Variants in PDE3B observed in about 807,000 individuals in gnomAD.
PDE3B encodes cGMP-inhibited 3',5'-cyclic phosphodiesterase 3B.
A neutral mutation model predicts 116.8 loss-of-function variants in PDE3B; 66 were observed. The ratio of observed to expected loss-of-function variants is 0.56; its 90% CI spans 0.46 to 0.69. PDE3B has a LOEUF of 0.69. Among genes scored for constraint, PDE3B ranks in the 30% least tolerant of loss-of-function variants. PDE3B has a pLI of 0.00. For missense variants in PDE3B, 1,384 were observed against 1,368.1 expected, an observed-to-expected ratio of 1.01 and a Z score of -0.18; for synonymous variants, 595 against 533.6, an observed-to-expected ratio of 1.12 and a Z score of -1.59.
At chr11:14,867,419 A>T (rs1159523982) in intron 14 of PDE3B, 87 bp from the exon 15 acceptor site, 8 of 1,156,566 alleles carry the variant, frequency 6.9e-6, no homozygotes, top group South Asian at 3.1e-5. Flanking sequence ...TGTTTATTTT[A>T]AAAAAACTCA....
At chr11:14,654,972 C>T (rs375047221) in intron 1 of PDE3B, among the ~76,000 whole-genome samples, 3 of 149,074 alleles carry the variant, frequency 2.0e-5, no homozygotes, top group East Asian at 3.9e-4. Flanking sequence ...GAAACCTAGG[C>T]GAACAGGACA....
the PDE3B span, among the ~76,000 whole-genome samples, chr11:14,884,566 G>A: frequency 6.6e-6 from 1 of 150,758 alleles, no homozygotes; most frequent in Non-Finnish European, 1.5e-5. Flanking sequence ...AGCATTAGGA[G>A]ATATACCTAA....
At position 14,870,868 on chromosome 11, in the gene PDE3B, A is replaced by G; in HGVS notation, c.*1208A>G. 6.6e-6 allele frequency: 1 copy of G among 152,350 alleles called. No individual in the cohort carries two copies. Among genetic ancestry groups the G allele is most frequent in the South Asian group, 2.1e-4 (1 of 4,826 alleles). The allele number at this position is 152,350 out of a possible 1,614,324, so 9.4% of individuals were successfully genotyped here. On this transcript the variant is annotated 3_prime_UTR_variant, in exon 16 of 16. Transcript: ENST00000282096. This position sits in a 1 kb window ranked among gnomAD's most constrained non-coding sequence, Gnocchi z 4.1. Reference sequence around the variant, plus strand: ...AAATCATTTCATACAAAAGTACATTATTAAATAACCACATTATTAAAATAA... The same window carrying G: ...AAATCATTTCATACAAAAGTACATTGTTAAATAACCACATTATTAAAATAA...
chr11:14,651,485 G>A (rs577994247), intron 1 of PDE3B, among the ~76,000 whole-genome samples: 2 of 152,280 alleles, frequency 1.3e-5, no homozygotes, highest in Non-Finnish European at 2.9e-5. Context: ...AAATTGAATT[G>A]TTTTTCAAAA....
rs1419863751 is a variant in PDE3B at position 14,832,943 on chromosome 11, G to A, written c.2206+110G>A. ...TAAACACTTTTAAAACTGCTTGTTT[G>A]AAATTTTCTTTTTTTTTTTTCTTGA... On this transcript the variant is annotated intron_variant, in intron 10 of 15. Coordinates refer to ENST00000282096, the MANE Select transcript of PDE3B (RefSeq NM_000922.4). 8 of 542,694 alleles carry A rather than the reference G, an allele frequency of 1.5e-5. No homozygotes were observed. In the East Asian group the frequency reaches 2.8e-4, roughly 19 times the overall value. 33.6% of individuals were successfully genotyped at this position (542,694 alleles called of 1,614,324 possible). A position where few individuals can be genotyped will look rare whatever the true frequency, so the allele number is the denominator to read the frequency against.
chr11:14,678,779 A>G lies in PDE3B; in HGVS notation c.978+33726A>G, dbSNP rs575423953. On this transcript the variant is annotated intron_variant, in intron 1 of 15. Transcript: ENST00000282096. ...AATTGTAATGAAGTTCAGTTTTTCA[A>G]TTTTTTGTTTTATAAGTTCTTTTGA... Among the ~76,000 whole-genome samples, 32 of 152,106 alleles carry G rather than the reference A, an allele frequency of 2.1e-4. No homozygotes were observed. The South Asian group carries it at 6.2e-3, about 30-fold the overall frequency.
intron 13 of PDE3B, 132 bp from the exon 14 acceptor site, chr11:14,861,073 G>C: frequency 1.6e-6 from 1 of 631,852 alleles, no homozygotes; most frequent in South Asian, 2.1e-5. Context: ...ATTTTAAAAA[G>C]AACTATTTGC....
chr11:14,651,555 C>G (rs1486651445), intron 1 of PDE3B, among the ~76,000 whole-genome samples: 1 of 152,140 alleles, frequency 6.6e-6, no homozygotes, highest in Non-Finnish European at 1.5e-5. Context: ...AAGAATGCCC[C>G]TGGATCCACA....
At chr11:14,709,561 T>C (rs1855637443) in intron 1 of PDE3B, among the ~76,000 whole-genome samples, 1 of 152,294 alleles carries the variant, frequency 6.6e-6, no homozygotes, top group Non-Finnish European at 1.5e-5. Flanking sequence ...AAATTATCTT[T>C]TGTGTTTGAG....
At chr11:14,862,199 C>T (rs889192501) in intron 14 of PDE3B, among the ~76,000 whole-genome samples, 18 of 152,156 alleles carry the variant, frequency 1.2e-4, no homozygotes, top group Admixed American at 5.2e-4. Context: ...TTTAGAGAGA[C>T]AGCTTAACCT....
At chr11:14,743,409 C>G (rs1405700915) in intron 1 of PDE3B, among the ~76,000 whole-genome samples, 1 of 152,202 alleles carries the variant, frequency 6.6e-6, no homozygotes, top group African/African-American at 2.4e-5. Context: ...ACACCCCTTC[C>G]CCCACCAAGT....
At chr11:14,850,266 G>C (rs1048632710) in intron 12 of PDE3B, among the ~76,000 whole-genome samples, 10 of 151,614 alleles carry the variant, frequency 6.6e-5, no homozygotes, top group Admixed American at 1.3e-4. Context: ...CATATTCTCA[G>C]TCATAGGTAG....
At chr11:14,695,475 G>T (rs1343051181) in intron 1 of PDE3B, among the ~76,000 whole-genome samples, 1 of 151,992 alleles carries the variant, frequency 6.6e-6, no homozygotes, top group Non-Finnish European at 1.5e-5. Context: ...CAAGGAGTGG[G>T]TTTACTGAGT....
intron 1 of PDE3B, among the ~76,000 whole-genome samples, chr11:14,722,288 T>G (rs964783486): frequency 1.4e-4 from 22 of 151,836 alleles, no homozygotes; most frequent in African/African-American, 5.1e-4. Context: ...TGTGCACATG[T>G]ACCTTAAAAC....
chr11:14,837,994 T>C (rs1860108251), intron 11 of PDE3B, among the ~76,000 whole-genome samples: 1 of 152,008 alleles, frequency 6.6e-6, no homozygotes, highest in Non-Finnish European at 1.5e-5. Context: ...TTATTTTTTT[T>C]TTGAGACGGA....
At chr11:14,830,075 G>T (rs1447985155) in intron 7 of PDE3B, among the ~76,000 whole-genome samples, 1 of 152,042 alleles carries the variant, frequency 6.6e-6, no homozygotes. Context: ...GCTCTGTAGT[G>T]ATCAATTGTG....
At chr11:14,712,165 A>G (rs1391097846) in intron 1 of PDE3B, among the ~76,000 whole-genome samples, 1 of 152,148 alleles carries the variant, frequency 6.6e-6, no homozygotes, top group Non-Finnish European at 1.5e-5. Flanking sequence ...AGCTCACTGT[A>G]ACCTCCAACT....
chr11:14,721,084 A>T, intron 1 of PDE3B, among the ~76,000 whole-genome samples: 1 of 145,876 alleles, frequency 6.9e-6, no homozygotes, highest in East Asian at 2.0e-4. Context: ...ACAAGAAAAA[A>T]ACAAACAACC....
rs1266312031 is a variant in PDE3B at position 14,674,554 on chromosome 11, A to G, written c.978+29501A>G. The G allele has an allele frequency of 9.6e-6, 4 of 416,376 alleles. No homozygotes were observed. The East Asian group carries it at 1.7e-4, about 18-fold the overall frequency. The allele number at this position is 416,376 out of a possible 1,614,324, so 25.8% of individuals were successfully genotyped here. On this transcript the variant is annotated intron_variant, in intron 1 of 15. Coordinates refer to ENST00000282096, the MANE Select transcript of PDE3B (RefSeq NM_000922.4). ...AGGCTTTGGGTCCTGTTTTGAAGCC[A>G]TTTATAAGTGATTTGCTGTCTCCTC...
Sources: gnomAD v4.1 joint callset for allele counts (sites outside exome capture counted in the v4.1 genomes callset) on GRCh38, gnomAD v4.1.1 for gene constraint, Gnocchi (gnomAD v3.1) non-coding constraint, MANE v1.5 for transcripts, NCBI Gene and HGNC (gene_info 2026-07-23, HGNC 2026-07-21) for gene names.